The following NSD2 variants were observed in gnomAD, a reference collection of about 807,000 sequenced individuals.
The protein encoded by NSD2 is histone-lysine N-methyltransferase NSD2.
NSD2 carries 12 observed loss-of-function variants against 139.0 expected under a neutral mutation model. The observed-to-expected ratio is 0.09, with a 90% CI of 0.06 to 0.14. NSD2 has a LOEUF of 0.14. Among genes scored for constraint, NSD2 ranks in the 10% least tolerant of loss-of-function variants. The pLI, the probability that NSD2 is intolerant of heterozygous loss-of-function variation, is 1.00. For missense variants in NSD2, 1,155 were observed against 1,745.0 expected, an observed-to-expected ratio of 0.66 and a Z score of 6.02; for synonymous variants, 669 against 648.7, an observed-to-expected ratio of 1.03 and a Z score of -0.48.
intron 9 of NSD2, among the ~76,000 whole-genome samples, chr4:1,949,464 TG>T (rs1210705409): frequency 5.9e-5 from 9 of 152,098 alleles, no homozygotes; most frequent in African/African-American, 2.2e-4. Context: ...CGGAAGCCCT[TG>T]GAAAAAGCCC....
At chr4:1,962,725 C>T (rs1210991964) in intron 18 of NSD2, among the ~76,000 whole-genome samples, 2 of 152,108 alleles carry the variant, frequency 1.3e-5, no homozygotes, top group Non-Finnish European at 2.9e-5. Flanking sequence ...GGGTGGAGTG[C>T]AGTAGCACAG....
At chr4:1,969,045 C>G (rs746533711) in intron 18 of NSD2, among the ~76,000 whole-genome samples, 43 of 152,322 alleles carry the variant, frequency 2.8e-4, no homozygotes, top group East Asian at 1.2e-3. Context: ...TACTGGAGAC[C>G]TGCAGTGTCA....
intron 2 of NSD2, among the ~76,000 whole-genome samples, chr4:1,901,678 T>C (rs1436867560): frequency 6.6e-6 from 1 of 152,204 alleles, no homozygotes; most frequent in Non-Finnish European, 1.5e-5. Context: ...TTCTTAAGTC[T>C]GCACCATCTG....
At chr4:1,970,782 G>T (rs1353388226) in intron 18 of NSD2, among the ~76,000 whole-genome samples, 1 of 152,142 alleles carries the variant, frequency 6.6e-6, no homozygotes, top group Non-Finnish European at 1.5e-5. Context: ...TAATGTCCGG[G>T]ACATTACATG....
intron 1 of NSD2, among the ~76,000 whole-genome samples, chr4:1,882,024 T>G (rs895313525): frequency 6.6e-6 from 1 of 151,938 alleles, no homozygotes; most frequent in Non-Finnish European, 1.5e-5. Flanking sequence ...CAATGTGAGG[T>G]TTTAAGGGTG....
At position 1,886,536 on chromosome 4, in the gene NSD2, A is replaced by T. The variant is rs913583656; in HGVS notation, c.-29-14090A>T. 3.3e-5 allele frequency among the ~76,000 whole-genome samples: 5 copies of T among 152,206 alleles called. No individual in the cohort carries two copies. The East Asian group carries it at 9.6e-4, about 29-fold the overall frequency. On this transcript the variant is annotated intron_variant, in intron 1 of 21. Transcript: ENST00000508803. Reference sequence around the variant, plus strand: ...AGCTGTTTCTATTTATCTGTACTTTAAAAAGTAACTTGCGGCTGGGCGCGG... The same window carrying T: ...AGCTGTTTCTATTTATCTGTACTTTTAAAAGTAACTTGCGGCTGGGCGCGG...
chr4:1,910,371 A>G (rs768335082), intron 3 of NSD2, among the ~76,000 whole-genome samples: 4 of 152,034 alleles, frequency 2.6e-5, no homozygotes, highest in Non-Finnish European at 4.4e-5. Flanking sequence ...CACTACAGGC[A>G]TGTGTCACCA....
chr4:1,978,855 G>T lies in NSD2; in HGVS notation c.4044G>T (p.Pro1348=). The change falls in exon 22 of 22, where the codon CCG becomes CCT. Residue 1348 remains proline, a synonymous_variant. Coordinates refer to ENST00000508803, the MANE Select transcript of NSD2 (RefSeq NM_001042424.3). ...TEKPPPEPGK[P]KGKRRRRRGW... is the part of the protein sequence containing the mutation. ...AGCCCCCCCCAGAGCCAGGGAAGCCGAAGGGGAAGAGGCGGCGGCGGAGGG... is the reference window on the plus strand; with the variant it reads ...AGCCCCCCCCAGAGCCAGGGAAGCCTAAGGGGAAGAGGCGGCGGCGGAGGG... The T allele has an allele frequency of 6.2e-7, 1 of 1,600,518 alleles. No homozygotes were observed.
chr4:1,963,414 A>C (rs1021705076), intron 18 of NSD2, among the ~76,000 whole-genome samples: 13 of 152,234 alleles, frequency 8.5e-5, no homozygotes, highest in African/African-American at 3.1e-4. Flanking sequence ...CCCAAGAGGC[A>C]GCAAATATGC....
chr4:1,947,412 C>G, intron 9 of NSD2: 1 of 1,060,176 alleles, frequency 9.4e-7, no homozygotes, highest in Non-Finnish European at 1.1e-6. Flanking sequence ...TGCAGTGGTG[C>G]TCTGGGAGTG....
rs1724687884 is a variant in NSD2, at chr4:1,955,250, A to G, written c.2428A>G (p.Ser810Gly). The G allele has an allele frequency of 6.2e-7, 1 of 1,614,034 alleles. No individual in the cohort carries two copies. The change falls in exon 13 of 22, where the codon AGC becomes GGC. Residue 810 changes from serine to glycine, a missense_variant. Ser to Gly is a moderately conservative substitution (Grantham distance 56). Transcript: ENST00000508803. This position sits in a 1 kb window ranked among gnomAD's most constrained non-coding sequence, Gnocchi z 4.7. ...AGGATGCTCAGTGATCGCCTCCAAC[A>G]GCATCATCTGCACTGCCCACTTCAC... ...AAGCSVIASN[S>G]IICTAHFTAR...
In NSD2 at chr4:1,973,134, C is replaced by G. The variant is rs560947274; in HGVS notation, c.3373-1729C>G. Among the ~76,000 whole-genome samples, 2 of 152,166 alleles carry G rather than the reference C, an allele frequency of 1.3e-5. No individual in the cohort carries two copies. The highest frequency in any genetic ancestry group is 2.9e-5 in the Non-Finnish European group (2 of 68,026). ...TACTGGGATTATAGGTGTGAGCCAC[C>G]GCGCCCGGCCGACATATTGTTATAA... On this transcript the variant is annotated intron_variant, in intron 18 of 21. Transcript: ENST00000508803. This position sits in a 1 kb window ranked among gnomAD's most constrained non-coding sequence, Gnocchi z 5.5.
At chr4:1,951,021 C>A in intron 9 of NSD2, 51 bp from the exon 10 acceptor site, 1 of 1,604,716 alleles carries the variant, frequency 6.2e-7, no homozygotes, top group Non-Finnish European at 8.5e-7. Flanking sequence ...GGCATGGCCA[C>A]CCGCTGTGTT....
chr4:1,943,301 A>G, intron 9 of NSD2: 1 of 1,043,402 alleles, frequency 9.6e-7, no homozygotes, highest in Non-Finnish European at 1.2e-6. Context: ...TCTTTAATGA[A>G]CGTTTCTGAC....
At chr4:1,946,534 G>T in intron 9 of NSD2, 1 of 1,007,888 alleles carries the variant, frequency 9.9e-7, no homozygotes, top group Non-Finnish European at 1.2e-6. Flanking sequence ...CTCCCAAAAT[G>T]CTGGGATTAC....
At chr4:1,978,574 C>T in intron 21 of NSD2, 64 bp from the exon 22 acceptor site, 1 of 1,539,724 alleles carries the variant, frequency 6.5e-7, no homozygotes, top group Non-Finnish European at 8.8e-7. Context: ...CATCTTCAAC[C>T]ACGATAATGT....
intron 17 of NSD2, among the ~76,000 whole-genome samples, chr4:1,960,749 G>T (rs1212812987): frequency 6.6e-6 from 1 of 152,240 alleles, no homozygotes; most frequent in African/African-American, 2.4e-5. Context: ...TTATGTAGAA[G>T]CTTGGTTATC....
Position 1,917,054 on chromosome 4 carries a change from C to G in NSD2, c.927+17C>G. ...AAAATTAAGGTGATAGATGACCCTT[C>G]AGTCTACTTTTAGACCAGAAATTTA... On this transcript the variant is annotated intron_variant, in intron 4 of 21. Coordinates refer to ENST00000508803, the MANE Select transcript of NSD2 (RefSeq NM_001042424.3). The G allele has an allele frequency of 6.3e-7, 1 of 1,580,028 alleles. No individual in the cohort carries two copies. The highest frequency in any genetic ancestry group is 1.9e-5 in the Admixed American group (1 of 52,494).
chr4:1,913,617 G>A (rs529749735), intron 3 of NSD2, among the ~76,000 whole-genome samples: 9 of 152,204 alleles, frequency 5.9e-5, no homozygotes, highest in South Asian at 2.1e-4. Flanking sequence ...TCTCTGCCTC[G>A]GCTACCAAAC....
Sources: allele counts gnomAD v4.1 joint callset (sites outside exome capture counted in the v4.1 genomes callset), GRCh38; gene constraint gnomAD v4.1.1; non-coding constraint Gnocchi (gnomAD v3.1); transcripts MANE v1.5; gene names NCBI Gene and HGNC (gene_info 2026-07-23, HGNC 2026-07-21).